Variants in FRMD4A observed in about 807,000 individuals in gnomAD.
FRMD4A encodes the protein FERM domain-containing protein 4A.
Under a neutral mutation model 129.1 loss-of-function variants are expected in FRMD4A, and 29 were observed. The observed-to-expected ratio is 0.22, with a 90% confidence interval of 0.17 to 0.31. The LOEUF (loss-of-function observed/expected upper bound fraction) is 0.31, where lower values mean the gene tolerates loss of function less well. Among genes scored for constraint, FRMD4A ranks in the 10% least tolerant of loss-of-function variants. FRMD4A has a pLI of 1.00. For missense variants in FRMD4A, 1,272 were observed against 1,375.8 expected, an observed-to-expected ratio of 0.92 and a Z score of 1.19; for synonymous variants, 634 against 571.6, an observed-to-expected ratio of 1.11 and a Z score of -1.56.
At chr10:13,915,735 G>A (rs1001852812) in intron 2 of FRMD4A, among the ~76,000 whole-genome samples, 4 of 151,762 alleles carry the variant, frequency 2.6e-5, no homozygotes, top group Non-Finnish European at 5.9e-5. Context: ...GCCACTCAGA[G>A]CTGCTACCCA....
At chr10:13,959,472 A>T (rs1157631223) in intron 2 of FRMD4A, among the ~76,000 whole-genome samples, 43 of 562 alleles carry the variant, frequency 0.077, no homozygotes, top group Non-Finnish European at 0.14. Context: ...ACTGTTTCAT[A>T]AAAAAAAAAA....
At chr10:13,846,841 T>G (rs950334642) in intron 3 of FRMD4A, among the ~76,000 whole-genome samples, 1 of 152,086 alleles carries the variant, frequency 6.6e-6, no homozygotes, top group Admixed American at 6.5e-5. Flanking sequence ...CCTGGAAGGA[T>G]GGATACTCTG....
At chr10:14,290,729 A>T (rs1845824747) in intron 2 of FRMD4A, among the ~76,000 whole-genome samples, 1 of 152,098 alleles carries the variant, frequency 6.6e-6, no homozygotes, top group Non-Finnish European at 1.5e-5. Flanking sequence ...AAATTAGGCA[A>T]GTGGGATGAC....
intron 2 of FRMD4A, among the ~76,000 whole-genome samples, chr10:14,080,122 C>T (rs1332666653): frequency 6.6e-6 from 1 of 152,072 alleles, no homozygotes; most frequent in Non-Finnish European, 1.5e-5. Context: ...AGGAGAGGTG[C>T]CTGCAGCAAT....
chr10:14,269,486 C>T (rs1335864748), intron 2 of FRMD4A, among the ~76,000 whole-genome samples: 1 of 152,212 alleles, frequency 6.6e-6, no homozygotes, highest in Non-Finnish European at 1.5e-5. Flanking sequence ...CTAGAGGCCC[C>T]TGCATTCCTT....
intron 15 of FRMD4A, chr10:13,693,218 C>T: frequency 6.1e-6 from 1 of 163,498 alleles, no homozygotes; most frequent in South Asian, 1.6e-4. Context: ...TGCCTCCCTT[C>T]CTCTCTGCTT....
At chr10:13,707,338 T>A in intron 12 of FRMD4A, 2 of 1,245,544 alleles carry the variant, frequency 1.6e-6, no homozygotes, top group Non-Finnish European at 2.0e-6. Context: ...TCCTGCAGGT[T>A]CCTTAACTGG....
At chr10:14,127,339 T>C (rs1838900004) in intron 2 of FRMD4A, among the ~76,000 whole-genome samples, 1 of 152,216 alleles carries the variant, frequency 6.6e-6, no homozygotes, top group Non-Finnish European at 1.5e-5. Flanking sequence ...CTTCTTGTTT[T>C]GCAAGGTCGT....
intron 2 of FRMD4A, among the ~76,000 whole-genome samples, chr10:14,176,187 A>G (rs144795284): frequency 6.6e-6 from 1 of 152,312 alleles, no homozygotes; most frequent in African/African-American, 2.4e-5. Flanking sequence ...AGGGTAGACA[A>G]AGTCCTTGTT....
intron 3 of FRMD4A, among the ~76,000 whole-genome samples, chr10:13,832,728 G>T (rs1476714581): frequency 6.6e-6 from 1 of 152,174 alleles, no homozygotes; most frequent in Non-Finnish European, 1.5e-5. Flanking sequence ...TGCAGGCCAG[G>T]GGGTAGGTGG....
chr10:14,110,129 A>AAAAAAG (rs1564300615), intron 2 of FRMD4A, among the ~76,000 whole-genome samples: 6 of 149,168 alleles, frequency 4.0e-5, no homozygotes, highest in African/African-American at 1.5e-4. Flanking sequence ...ATGCTGTAAA[A>AAAAAAG]AAAAAAAAAA....
chr10:13,771,364 C>T (rs887218076), intron 6 of FRMD4A, among the ~76,000 whole-genome samples: 8 of 152,282 alleles, frequency 5.3e-5, no homozygotes, highest in Non-Finnish European at 1.0e-4. Context: ...TGAGCCACCA[C>T]GCCTGGCCAG....
At chr10:14,168,800 G>T (rs1236755003) in intron 2 of FRMD4A, among the ~76,000 whole-genome samples, 1 of 152,060 alleles carries the variant, frequency 6.6e-6, no homozygotes, top group Admixed American at 6.6e-5. Context: ...AAAAAACTGA[G>T]GCTCAAAAAA....
rs773334171 is a variant in FRMD4A at position 13,670,405 on chromosome 10, C to T, written c.1374+1G>A. 1.9e-6 allele frequency: 3 copies of T among 1,612,898 alleles called. No homozygotes were observed. The Admixed American group carries it at 5.0e-5, about 27-fold the overall frequency. On this transcript the variant is annotated splice_donor_variant, in intron 17 of 24. Transcript: ENST00000357447. LOFTEE classifies it high-confidence loss of function. Reference sequence around the variant, plus strand: ...TCCAACAACAGAAAGGAAGGACGCACCTCTCCTTTGGGCAGGATTTTCTGT... The same window carrying T: ...TCCAACAACAGAAAGGAAGGACGCATCTCTCCTTTGGGCAGGATTTTCTGT...
At chr10:13,714,931 C>A (rs546169375) in intron 12 of FRMD4A, among the ~76,000 whole-genome samples, 3 of 152,032 alleles carry the variant, frequency 2.0e-5, no homozygotes, top group Admixed American at 2.0e-4. Context: ...CCCAGCTATT[C>A]GGGAGGCTGA....
chr10:14,072,049 A>T (rs1835343287), intron 2 of FRMD4A, among the ~76,000 whole-genome samples: 1 of 152,232 alleles, frequency 6.6e-6, no homozygotes, highest in South Asian at 2.1e-4. Context: ...CCTATTAGAC[A>T]TTGATTTATG....
intron 2 of FRMD4A, among the ~76,000 whole-genome samples, chr10:13,949,717 C>G (rs2095359020): frequency 6.6e-6 from 1 of 152,156 alleles, no homozygotes; most frequent in African/African-American, 2.4e-5. Flanking sequence ...TTTTATAAAT[C>G]CTTATTTTAT....
chr10:13,732,859 C>T (rs1199910656), intron 12 of FRMD4A, among the ~76,000 whole-genome samples: 1 of 152,250 alleles, frequency 6.6e-6, no homozygotes, highest in Non-Finnish European at 1.5e-5. Flanking sequence ...CCTGGCTGAC[C>T]TTCCCCATGT....
intron 2 of FRMD4A, among the ~76,000 whole-genome samples, chr10:14,284,011 G>A (rs1845603474): frequency 6.6e-6 from 1 of 152,142 alleles, no homozygotes; most frequent in Non-Finnish European, 1.5e-5. Flanking sequence ...CAAATAGTTG[G>A]TAAGTAAAGA....
Sources: allele counts gnomAD v4.1 joint callset (sites outside exome capture counted in the v4.1 genomes callset), GRCh38; gene constraint gnomAD v4.1.1; transcripts MANE v1.5; gene names NCBI Gene and HGNC (gene_info 2026-07-23, HGNC 2026-07-21).